Variants in EEF1G observed in about 807,000 individuals in gnomAD.
EEF1G encodes eukaryotic translation elongation factor 1 gamma, also known as elongation factor 1-gamma.
A neutral mutation model predicts 58.3 loss-of-function variants in EEF1G; 14 were observed. The observed-to-expected ratio is 0.24, with a 90% CI of 0.16 to 0.38. The LOEUF (loss-of-function observed/expected upper bound fraction) is 0.38. Ranked by LOEUF, EEF1G falls within the 10% of genes least tolerant of loss-of-function variation. The pLI, the probability that EEF1G is intolerant of heterozygous loss-of-function variation, is 1.00. For missense variants in EEF1G, 322 were observed against 550.1 expected, an observed-to-expected ratio of 0.59 and a Z score of 4.15; for synonymous variants, 180 against 206.8, an observed-to-expected ratio of 0.87 and a Z score of 1.11.
chr11:62,567,040 G>A (rs376546250), intron 6 of EEF1G, 30 bp from the exon 7 acceptor site: 14 of 1,608,494 alleles, frequency 8.7e-6, no homozygotes, highest in African/African-American at 5.4e-5. Flanking sequence ...GAAAGTGAAC[G>A]AATGTTCTGC....
rs562853088 is a variant in EEF1G, at chr11:62,573,515, C to A, written c.12+316G>T. 4.6e-4 allele frequency: 233 copies of A among 511,712 alleles called. 3 individuals carry two copies. In the South Asian group the frequency reaches 5.4e-3, roughly 12 times the overall value. 31.7% of individuals were successfully genotyped at this position (511,712 alleles called of 1,614,324 possible). Reference sequence around the variant, plus strand: ...CCTGTGTTACTCCACAAAACGGACACAGAAGTTCGTCAACCTGCCCAGATA... The same window carrying A: ...CCTGTGTTACTCCACAAAACGGACAAAGAAGTTCGTCAACCTGCCCAGATA... On this transcript the variant is annotated intron_variant, in intron 1 of 9. Transcript: ENST00000329251.
At chr11:62,565,664 C>A (rs2134292723) in intron 7 of EEF1G, among the ~76,000 whole-genome samples, 1 of 152,264 alleles carries the variant, frequency 6.6e-6, no homozygotes, top group East Asian at 1.9e-4. Context: ...CACCAAAAAT[C>A]CTGCTCACTC....
At chr11:62,573,562 G>A in intron 1 of EEF1G, 1 of 577,774 alleles carries the variant, frequency 1.7e-6, no homozygotes, top group Non-Finnish European at 3.1e-6. Context: ...AGCGGCAACA[G>A]AGCCGAACCC....
intron 6 of EEF1G, 126 bp from the exon 7 acceptor site, chr11:62,567,136 C>G: frequency 2.8e-6 from 3 of 1,062,466 alleles, no homozygotes; most frequent in South Asian, 1.5e-5. Context: ...AACTTAGGCC[C>G]CAGACTGCTC....
intron 5 of EEF1G, 119 bp downstream of exon 5, chr11:62,570,846 G>T: frequency 1.4e-6 from 2 of 1,397,088 alleles, no homozygotes; most frequent in Non-Finnish European, 2.0e-6. Context: ...ATGAGCCACT[G>T]CACCCACCTC....
At chr11:62,561,510 T>G (rs1282307066) in intron 7 of EEF1G, among the ~76,000 whole-genome samples, 1 of 102,356 alleles carries the variant, frequency 9.8e-6, no homozygotes, top group Non-Finnish European at 1.9e-5. Flanking sequence ...CTATCTCTAC[T>G]AAAAAAAAAA....
In EEF1G at chr11:62,566,821, G is replaced by A. The variant is rs761595268; in HGVS notation, c.842C>T (p.Ala281Val). ...AAEPKAKDPF[A>V]HLPKSTFVLD... ...ATATCCTTACCTCTTGGGCAGGTGA[G>A]CGAAGGGGTCCTTGGCCTTGGGCTC... Residue 281 changes from alanine (A) to valine (V), a missense_variant, in exon 7 of 10, where the codon GCT (alanine) becomes GTT (valine). Ala to Val is a moderately conservative substitution (Grantham distance 64). This residue lies in a region of EEF1G where 208 missense variants were observed against 323.7 expected (regional missense o/e 0.64). Coordinates refer to ENST00000329251, the MANE Select transcript of EEF1G (RefSeq NM_001404.5). 1.3e-5 allele frequency: 21 copies of A among 1,613,392 alleles called. No individual in the cohort carries two copies. The African/African-American group carries it at 2.8e-4, about 22-fold the overall frequency.
intron 7 of EEF1G, among the ~76,000 whole-genome samples, chr11:62,564,758 CAAAAAAAAAAAA>C (rs34663205): frequency 0.46 from 35,260 of 75,918 alleles, 6,004 homozygotes; most frequent in Middle Eastern, 0.55. Context: ...GACTCCATCT[CAAAAAAAAAAAA>C]AAAAAAAAAA....
At chr11:62,568,731 G>A (rs1941587181) in intron 5 of EEF1G, among the ~76,000 whole-genome samples, 1 of 152,134 alleles carries the variant, frequency 6.6e-6, no homozygotes, top group Non-Finnish European at 1.5e-5. Context: ...CCAGCACTTT[G>A]GGAGGCCGAG....
At position 62,572,679 on chromosome 11, in the gene EEF1G, C is replaced by T; in HGVS notation, c.76G>A (p.Gly26Arg). Residue 26 changes from glycine to arginine, a missense_variant, in exon 2 of 10, where the codon GGG becomes AGG. Physicochemically the swap from Gly to Arg is moderately radical, Grantham distance 125. Transcript: ENST00000329251. ...FKALIAAQYS[G>R]AQVRVLSAPP... is the part of the protein sequence containing the mutation. ...GCGGAGAGCACGCGGACCTGAGCCC[C>T]GCTGTACTGAGCAGCGATGAGAGCC... 6.2e-7 allele frequency: 1 copy of T among 1,613,296 alleles called. No individual in the cohort carries two copies. Among genetic ancestry groups the T allele is most frequent in the Non-Finnish European group, 8.5e-7 (1 of 1,179,876 alleles).
intron 5 of EEF1G, among the ~76,000 whole-genome samples, chr11:62,569,107 C>G (rs142167033): frequency 1.3e-5 from 2 of 152,078 alleles, no homozygotes; most frequent in Non-Finnish European, 2.9e-5. Flanking sequence ...ACACACCCCC[C>G]ACACCCACCC....
intron 1 of EEF1G, chr11:62,573,462 T>C (rs942673751): frequency 6.1e-6 from 2 of 330,186 alleles, no homozygotes; most frequent in Non-Finnish European, 1.1e-5. Context: ...CGGACCTGCC[T>C]ACAAAGACCC....
At chr11:62,567,743 C>T (rs942143855) in intron 5 of EEF1G, among the ~76,000 whole-genome samples, 3 of 148,700 alleles carry the variant, frequency 2.0e-5, no homozygotes, top group African/African-American at 7.4e-5. Flanking sequence ...CTCACTCTAT[C>T]GCTCAGGCTG....
At chr11:62,571,239 C>A in intron 4 of EEF1G, 131 bp from the exon 5 acceptor site, 4 of 1,402,008 alleles carry the variant, frequency 2.9e-6, no homozygotes, top group South Asian at 1.2e-5. Flanking sequence ...TCAATGGAGG[C>A]AGATCCTAGG....
chr11:62,567,081 A>G (rs1431534278), intron 6 of EEF1G, 71 bp from the exon 7 acceptor site: 1 of 1,517,006 alleles, frequency 6.6e-7, no homozygotes, highest in African/African-American at 1.4e-5. Flanking sequence ...AACCACACAG[A>G]GCAAGCAAGG....
At chr11:62,560,019 T>C in intron 9 of EEF1G, 50 bp downstream of exon 9, 1 of 1,612,392 alleles carries the variant, frequency 6.2e-7, no homozygotes. Flanking sequence ...ACAGTGCTTC[T>C]TATATCCCTG....
chr11:62,572,599 T>C lies in EEF1G; in HGVS notation c.156A>G (p.Lys52=). 2.5e-6 allele frequency: 4 copies of C among 1,611,956 alleles called. No homozygotes were observed. The highest frequency in any genetic ancestry group is 1.1e-5 in the South Asian group (1 of 90,986). ...QTNRTPEFLR[K]FPAGKVPAFE... ...CCCAACTCACCTTGCCGGCAGGAAATTTGCGGAGAAATTCAGGGGTGCGGT... is the reference window on the plus strand; with the variant it reads ...CCCAACTCACCTTGCCGGCAGGAAACTTGCGGAGAAATTCAGGGGTGCGGT... The change falls in exon 2 of 10, where the codon AAA becomes AAG. Residue 52 remains lysine (K), a synonymous_variant. Transcript: ENST00000329251.
At chr11:62,567,931 G>C (rs917798531) in intron 5 of EEF1G, among the ~76,000 whole-genome samples, 2 of 151,234 alleles carry the variant, frequency 1.3e-5, no homozygotes, top group African/African-American at 4.8e-5. Context: ...TGTTGGCCAG[G>C]CTGTTCTCGA....
chr11:62,562,353 C>T lies in EEF1G; in HGVS notation c.858-1899G>A, dbSNP rs187430901. ...ACTCTTAATTCGTCTCAAAGTGTGG[C>T]GTTTTCTCTAACTCGCTCAGGTACA... On this transcript the variant is annotated intron_variant, in intron 7 of 9. Coordinates refer to ENST00000329251, the MANE Select transcript of EEF1G (RefSeq NM_001404.5). 2.1e-3 allele frequency among the ~76,000 whole-genome samples: 326 copies of T among 152,106 alleles called. 1 individual carries two copies. The highest frequency in any genetic ancestry group is 7.3e-3 in the African/African-American group (303 of 41,472).
Sources: gnomAD v4.1 joint callset for allele counts (sites outside exome capture counted in the v4.1 genomes callset) on GRCh38, gnomAD v4.1.1 for gene constraint, gnomAD v4.1.1 regional missense constraint, MANE v1.5 for transcripts, NCBI Gene and HGNC (gene_info 2026-07-23, HGNC 2026-07-21) for gene names.